Variants in PDE4D observed in about 807,000 individuals in gnomAD.
The protein encoded by PDE4D is phosphodiesterase 4D.
A neutral mutation model predicts 87.4 loss-of-function variants in PDE4D; 24 were observed. The ratio of observed to expected loss-of-function variants is 0.27; its 90% CI spans 0.20 to 0.39. The LOEUF is 0.39. PDE4D is among the 10% of genes least tolerant of loss of function. The pLI, the probability that PDE4D is intolerant of heterozygous loss-of-function variation, is 1.00. For missense variants in PDE4D, 714 were observed against 1,041.0 expected, an observed-to-expected ratio of 0.69 and a Z score of 4.32; for synonymous variants, 384 against 383.2, an observed-to-expected ratio of 1.00 and a Z score of -0.02.
At chr5:59,503,146 A>ATAT (rs1808625986) in intron 1 of PDE4D, among the ~76,000 whole-genome samples, 1 of 152,118 alleles carries the variant, frequency 6.6e-6, no homozygotes, top group Non-Finnish European at 1.5e-5. Flanking sequence ...TTAGGCTACA[A>ATAT]TATTCCTGAG....
At chr5:59,802,542 G>A (rs1305644029) in intron 1 of PDE4D, among the ~76,000 whole-genome samples, 1 of 151,736 alleles carries the variant, frequency 6.6e-6, no homozygotes, top group Non-Finnish European at 1.5e-5. Context: ...GGGATTACAG[G>A]TGCAAACCAC....
chr5:59,250,924 G>A (rs920580520), intron 1 of PDE4D, among the ~76,000 whole-genome samples: 16 of 152,088 alleles, frequency 1.1e-4, no homozygotes, highest in Non-Finnish European at 2.2e-4. Flanking sequence ...AAAAGCAATG[G>A]AGAAAACACT....
intron 1 of PDE4D, among the ~76,000 whole-genome samples, chr5:59,593,523 T>A (rs1277623362): frequency 6.6e-6 from 1 of 152,170 alleles, no homozygotes; most frequent in Non-Finnish European, 1.5e-5. Context: ...TTTCAGTTCC[T>A]CACATAAGGA....
intron 1 of PDE4D, chr5:60,334,974 C>T (rs1757617889): frequency 6.6e-6 from 1 of 152,120 alleles, no homozygotes; most frequent in Admixed American, 6.6e-5. Flanking sequence ...ACCTTCTAGT[C>T]CCAGTCTCCT....
chr5:59,200,058 C>CA (rs1171049569), intron 2 of PDE4D, among the ~76,000 whole-genome samples: 57 of 62,440 alleles, frequency 9.1e-4, no homozygotes, highest in African/African-American at 2.5e-3. Flanking sequence ...TACACACATG[C>CA]ATGTACACAC....
chr5:60,438,103 A>G (rs1266389376), intron 1 of PDE4D, among the ~76,000 whole-genome samples: 1 of 152,138 alleles, frequency 6.6e-6, no homozygotes, highest in East Asian at 1.9e-4. Context: ...TTTAGATAGC[A>G]TTCGTCTGTT....
chr5:59,627,703 A>G (rs1443584516), intron 1 of PDE4D, among the ~76,000 whole-genome samples: 1 of 152,234 alleles, frequency 6.6e-6, no homozygotes, highest in Non-Finnish European at 1.5e-5. Flanking sequence ...GTTTTATAAA[A>G]TATAGATTGT....
chr5:60,449,067 CCG>C (rs1294426664), intron 1 of PDE4D, among the ~76,000 whole-genome samples: 10 of 129,758 alleles, frequency 7.7e-5, no homozygotes, highest in African/African-American at 3.3e-4. Context: ...CCCCAACTGC[CCG>C]CGCACACACA....
chr5:59,190,244 T>C (rs1431774477), intron 3 of PDE4D, among the ~76,000 whole-genome samples: 1 of 152,188 alleles, frequency 6.6e-6, no homozygotes, highest in Non-Finnish European at 1.5e-5. Context: ...ACAGAAAATA[T>C]GCACAGAAAA....
intron 1 of PDE4D, chr5:60,460,342 C>A: frequency 1.0e-6 from 1 of 993,304 alleles, no homozygotes. Flanking sequence ...TATTCTGTAA[C>A]CTGATTTAAT....
intron 1 of PDE4D, chr5:59,592,168 G>A (rs1826007461): frequency 5.1e-6 from 5 of 980,770 alleles, no homozygotes; most frequent in South Asian, 4.7e-5. Flanking sequence ...ACAGAACAGT[G>A]TCTTCTTCTC....
chr5:60,324,986 A>G (rs1301979350), intron 1 of PDE4D, among the ~76,000 whole-genome samples: 2 of 152,234 alleles, frequency 1.3e-5, no homozygotes, highest in Admixed American at 6.5e-5. Context: ...ACAATGACAT[A>G]GAAGAGGAAA....
intron 5 of PDE4D, among the ~76,000 whole-genome samples, chr5:59,045,311 T>G (rs1269614373): frequency 6.6e-6 from 1 of 152,106 alleles, no homozygotes; most frequent in Non-Finnish European, 1.5e-5. Context: ...CCCAGCACTT[T>G]GGGAGGCCGA....
chr5:59,558,438 T>G (rs1583114337), intron 1 of PDE4D: 1 of 152,264 alleles, frequency 6.6e-6, no homozygotes, highest in East Asian at 1.9e-4. Context: ...CATATCATTC[T>G]CTTGTTTAGA....
chr5:59,967,122 G>T (rs966250766), intron 3 of PDE4D, among the ~76,000 whole-genome samples: 1 of 152,032 alleles, frequency 6.6e-6, no homozygotes, highest in Non-Finnish European at 1.5e-5. Context: ...CCACGTAAGG[G>T]TTACTTTGGC....
chr5:60,306,745 G>A (rs13357944), intron 1 of PDE4D, among the ~76,000 whole-genome samples: 7 of 151,982 alleles, frequency 4.6e-5, no homozygotes, highest in African/African-American at 1.4e-4. Flanking sequence ...TAATGCAGTG[G>A]CAATAATGTA....
chr5:59,426,568 T>TC, intron 1 of PDE4D, among the ~76,000 whole-genome samples: 1 of 151,908 alleles, frequency 6.6e-6, no homozygotes, highest in East Asian at 1.9e-4. Flanking sequence ...GGAAGGACCC[T>TC]CACCAGCACT....
chr5:59,037,499 A>G (rs186048845), intron 6 of PDE4D, among the ~76,000 whole-genome samples: 49 of 152,318 alleles, frequency 3.2e-4, no homozygotes, highest in Non-Finnish European at 6.5e-4. Context: ...GATGAGAATA[A>G]AGGTGCCTAA....
chr5:59,222,058 A>G (rs568605988), intron 1 of PDE4D, among the ~76,000 whole-genome samples: 14 of 152,142 alleles, frequency 9.2e-5, no homozygotes, highest in Non-Finnish European at 1.9e-4. Context: ...CATTTACTCC[A>G]CAGACCCATC....
Sources: allele counts gnomAD v4.1 joint callset (sites outside exome capture counted in the v4.1 genomes callset), GRCh38; gene constraint gnomAD v4.1.1; transcripts MANE v1.5; gene names NCBI Gene and HGNC (gene_info 2026-07-23, HGNC 2026-07-21).